The following KCNH1 variants were observed in gnomAD, a reference collection of about 807,000 sequenced individuals.
The protein encoded by KCNH1 is potassium voltage-gated channel subfamily H member 1.
A neutral mutation model predicts 69.2 loss-of-function variants in KCNH1; 27 were observed. The ratio of observed to expected loss-of-function variants is 0.39; its 90% CI spans 0.29 to 0.54. The LOEUF (loss-of-function observed/expected upper bound fraction) is 0.54, where lower values mean the gene tolerates loss of function less well. Ranked by LOEUF, KCNH1 falls within the 20% of genes least tolerant of loss-of-function variation. The pLI, the probability that KCNH1 is intolerant of heterozygous loss-of-function variation, is 0.68. For synonymous variants in KCNH1, 456 were observed against 487.7 expected (o/e 0.93, Z 0.86); for missense variants, 798 against 1,261.6 (o/e 0.63, Z 5.57).
chr1:211,087,611 A>ACACACACACACACACACACACACACACG (rs1690977785), intron 4 of KCNH1, among the ~76,000 whole-genome samples: 2 of 59,410 alleles, frequency 3.4e-5, no homozygotes, highest in African/African-American at 1.1e-4. Flanking sequence ...AAGCATACAC[A>ACACACACACACACACACACACACACACG]CACACACACA....
intron 7 of KCNH1, among the ~76,000 whole-genome samples, chr1:210,871,465 C>T (rs965899519): frequency 1.5e-3 from 232 of 152,222 alleles, no homozygotes; most frequent in African/African-American, 5.1e-3. Context: ...GACTGTAAAC[C>T]AGTTCAACCA....
intron 7 of KCNH1, chr1:210,862,424 C>T: frequency 1.8e-6 from 1 of 542,664 alleles, no homozygotes; most frequent in South Asian, 1.9e-5. Flanking sequence ...TAACCTTGAA[C>T]TCCTGGGCTC....
intron 6 of KCNH1, among the ~76,000 whole-genome samples, chr1:210,984,773 T>C (rs1571551857): frequency 1.3e-5 from 2 of 152,206 alleles, no homozygotes; most frequent in African/African-American, 4.8e-5. Context: ...TGCCAGGCTT[T>C]GGTATGAGGA....
chr1:210,687,366 G>A (rs180801138), intron 10 of KCNH1, among the ~76,000 whole-genome samples: 9 of 152,286 alleles, frequency 5.9e-5, no homozygotes, highest in African/African-American at 1.2e-4. Flanking sequence ...TGGTCGACGT[G>A]GGCAGTTCAG....
intron 6 of KCNH1, among the ~76,000 whole-genome samples, chr1:211,011,468 T>G (rs779280201): frequency 6.6e-6 from 1 of 152,202 alleles, no homozygotes. Context: ...AGTAGAATGA[T>G]GTATAATCCT....
At chr1:210,695,690 C>G (rs1214338278) in intron 10 of KCNH1, among the ~76,000 whole-genome samples, 4 of 152,140 alleles carry the variant, frequency 2.6e-5, no homozygotes, top group Admixed American at 1.3e-4. Context: ...ATGACTTGGG[C>G]AAGTCAATTA....
chr1:210,757,388 A>G (rs1008795220), intron 10 of KCNH1, among the ~76,000 whole-genome samples: 2 of 152,180 alleles, frequency 1.3e-5, no homozygotes, highest in Non-Finnish European at 2.9e-5. Context: ...CCCCTCTATC[A>G]AGATCCAGCT....
In KCNH1 at chr1:210,996,949, G is replaced by T. The variant is rs985790115; in HGVS notation, c.1032+21834C>A. Among the ~76,000 whole-genome samples, 12 of 152,198 alleles carry T rather than the reference G, an allele frequency of 7.9e-5. 1 individual carries two copies. The highest frequency in any genetic ancestry group is 1.5e-5 in the Non-Finnish European group (1 of 68,032). Reference sequence around the variant, plus strand: ...CTAGCAAACTCCAACAGACCTGAGGGTTCTGTCTGTTAGAAGGAAAACTAA... The same window carrying T: ...CTAGCAAACTCCAACAGACCTGAGGTTTCTGTCTGTTAGAAGGAAAACTAA... On this transcript the variant is annotated intron_variant, in intron 6 of 10. Transcript: ENST00000271751.
intron 5 of KCNH1, among the ~76,000 whole-genome samples, chr1:211,055,901 A>C (rs1690295127): frequency 6.6e-6 from 1 of 152,182 alleles, no homozygotes; most frequent in African/African-American, 2.4e-5. Context: ...GCCCTGAAAA[A>C]TCAGGAATGG....
intron 6 of KCNH1, among the ~76,000 whole-genome samples, chr1:210,973,451 C>T (rs570492308): frequency 1.3e-5 from 2 of 152,218 alleles, no homozygotes; most frequent in South Asian, 4.1e-4. Context: ...ACATTTCAAA[C>T]ATGATTCCCA....
intron 7 of KCNH1, among the ~76,000 whole-genome samples, chr1:210,809,023 C>A (rs1374929052): frequency 6.6e-6 from 1 of 152,062 alleles, no homozygotes; most frequent in African/African-American, 2.4e-5. Flanking sequence ...AGGCAAAATG[C>A]TGATTTGGAG....
chr1:210,765,980 T>A (rs1204091901), intron 10 of KCNH1, among the ~76,000 whole-genome samples: 1 of 151,812 alleles, frequency 6.6e-6, no homozygotes, highest in Non-Finnish European at 1.5e-5. Flanking sequence ...GGAGAATTGC[T>A]TGAACCCGGG....
At chr1:210,925,417 A>G (rs972403025) in intron 6 of KCNH1, among the ~76,000 whole-genome samples, 1 of 152,150 alleles carries the variant, frequency 6.6e-6, no homozygotes, top group Non-Finnish European at 1.5e-5. Flanking sequence ...GCTCCTTGAT[A>G]TGCCAAAAAC....
intron 10 of KCNH1, among the ~76,000 whole-genome samples, chr1:210,718,283 AATATGTGT>A (rs1682315289): frequency 2.2e-5 from 2 of 91,250 alleles, no homozygotes; most frequent in African/African-American, 3.1e-5. Context: ...TGCATATAAA[AATATGTGT>A]ATATAAATAT....
intron 5 of KCNH1, among the ~76,000 whole-genome samples, chr1:211,041,076 C>G (rs1032579078): frequency 6.6e-6 from 1 of 152,190 alleles, no homozygotes; most frequent in African/African-American, 2.4e-5. Context: ...CTTGCTACAG[C>G]TCTTTTGCTA....
chr1:210,886,374 C>G (rs1686605920), intron 7 of KCNH1, among the ~76,000 whole-genome samples: 1 of 152,020 alleles, frequency 6.6e-6, no homozygotes, highest in Non-Finnish European at 1.5e-5. Context: ...AGTTACACAC[C>G]AAAATCCCAT....
At chr1:210,776,405 G>A (rs760743192) in intron 9 of KCNH1, among the ~76,000 whole-genome samples, 2 of 152,142 alleles carry the variant, frequency 1.3e-5, no homozygotes, top group Non-Finnish European at 2.9e-5. Flanking sequence ...TGGACTGAAT[G>A]TTTGTGCCCC....
intron 5 of KCNH1, among the ~76,000 whole-genome samples, chr1:211,020,482 A>T (rs2102415035): frequency 8.1e-6 from 1 of 123,080 alleles, no homozygotes; most frequent in South Asian, 2.6e-4. Flanking sequence ...AGATTAATTG[A>T]ATCAGTAATA....
chr1:210,894,005 A>G (rs1370454125), intron 7 of KCNH1, among the ~76,000 whole-genome samples: 1 of 152,172 alleles, frequency 6.6e-6, no homozygotes, highest in Non-Finnish European at 1.5e-5. Flanking sequence ...ATATAGTTAT[A>G]ATAACTAATG....
Sources: gnomAD v4.1 joint callset for allele counts (sites outside exome capture counted in the v4.1 genomes callset) on GRCh38, gnomAD v4.1.1 for gene constraint, MANE v1.5 for transcripts, NCBI Gene and HGNC (gene_info 2026-07-23, HGNC 2026-07-21) for gene names.